DPP6: variants seen among roughly 807,000 people sequenced by gnomAD.
The protein encoded by DPP6 is A-type potassium channel modulatory protein DPP6.
Under a neutral mutation model 122.6 loss-of-function variants are expected in DPP6, and 69 were observed. The ratio of observed to expected loss-of-function variants is 0.56; its 90% CI spans 0.46 to 0.69. DPP6 has a LOEUF of 0.69. Among genes scored for constraint, DPP6 ranks in the 30% least tolerant of loss-of-function variants. DPP6 has a pLI of 0.00. For synonymous variants in DPP6, 418 were observed against 433.1 expected (o/e 0.97, Z 0.43); for missense variants, 928 against 1,116.9 (o/e 0.83, Z 2.41).
intron 1 of DPP6, among the ~76,000 whole-genome samples, chr7:154,234,659 C>G (rs561411034): frequency 2.6e-5 from 4 of 152,204 alleles, no homozygotes; most frequent in South Asian, 2.1e-4. Flanking sequence ...ACACTCAACA[C>G]GCAAACACCC....
chr7:154,402,292 T>G (rs966524977), intron 1 of DPP6, among the ~76,000 whole-genome samples: 5 of 151,972 alleles, frequency 3.3e-5, no homozygotes, highest in African/African-American at 1.2e-4. Flanking sequence ...TAAAGACACA[T>G]GCACACGTAT....
chr7:153,862,429 C>T, the DPP6 span, among the ~76,000 whole-genome samples: 1 of 152,196 alleles, frequency 6.6e-6, no homozygotes, highest in Non-Finnish European at 1.5e-5. Flanking sequence ...TGCCTCTCAC[C>T]TTGAAAAACA....
intron 6 of DPP6, among the ~76,000 whole-genome samples, chr7:154,651,383 TA>T (rs75414623): frequency 0.082 from 12,421 of 152,258 alleles, 642 homozygotes; most frequent in East Asian, 0.16. Context: ...AAATCAACTA[TA>T]TCTGCAGCCT....
intron 1 of DPP6, among the ~76,000 whole-genome samples, chr7:154,178,516 T>TG (rs1308182157): frequency 7.2e-6 from 1 of 137,976 alleles, no homozygotes; most frequent in Non-Finnish European, 1.6e-5. Flanking sequence ...AAAAAAATCC[T>TG]GAAAAAAAAA....
At chr7:154,856,433 GGTGT>G (rs1346100265) in intron 17 of DPP6, among the ~76,000 whole-genome samples, 1 of 152,122 alleles carries the variant, frequency 6.6e-6, no homozygotes, top group East Asian at 1.9e-4. Flanking sequence ...CTGTATCTTA[GGTGT>G]GTGTGACACT....
chr7:154,657,880 A>G lies in DPP6; in HGVS notation c.681-11480A>G, dbSNP rs551928292. ...GAGGCAGCATAAAAGTCTCTCCTCC[A>G]TGGAAAAACTTGGAGCCAAAAGCGC... On this transcript the variant is annotated intron_variant, in intron 6 of 25. Transcript: ENST00000377770. Among the ~76,000 whole-genome samples, 11 of 152,332 alleles carry G rather than the reference A, an allele frequency of 7.2e-5. No homozygotes were observed. The South Asian group carries it at 1.0e-3, about 14-fold the overall frequency.
intron 1 of DPP6, among the ~76,000 whole-genome samples, chr7:153,891,964 A>G (rs1481770752): frequency 6.6e-6 from 1 of 152,188 alleles, no homozygotes; most frequent in African/African-American, 2.4e-5. Context: ...TTGGTTTTAA[A>G]TGAAAGTGGC....
At chr7:154,207,108 A>C (rs1317301047) in intron 1 of DPP6, among the ~76,000 whole-genome samples, 1 of 147,270 alleles carries the variant, frequency 6.8e-6, no homozygotes, top group Non-Finnish European at 1.5e-5. Flanking sequence ...ATCAAGATGA[A>C]AATGTGGAAT....
intron 1 of DPP6, among the ~76,000 whole-genome samples, chr7:154,252,813 T>A (rs948442025): frequency 8.5e-5 from 13 of 152,232 alleles, no homozygotes; most frequent in Non-Finnish European, 1.8e-4. Flanking sequence ...GCAACTACTG[T>A]CAAAATTGTT....
At chr7:154,816,591 G>A (rs1243933836) in intron 16 of DPP6, among the ~76,000 whole-genome samples, 1 of 127,758 alleles carries the variant, frequency 7.8e-6, no homozygotes, top group Non-Finnish European at 1.7e-5. Flanking sequence ...TACATAGTGA[G>A]TGTTTAATAA....
chr7:153,919,672 A>T (rs1014388087), intron 1 of DPP6, among the ~76,000 whole-genome samples: 1 of 152,180 alleles, frequency 6.6e-6, no homozygotes, highest in South Asian at 2.1e-4. Context: ...ATTAGCCCCA[A>T]TAGGTCTGTT....
At chr7:154,576,187 C>A (rs1831658805) in intron 5 of DPP6, among the ~76,000 whole-genome samples, 1 of 152,070 alleles carries the variant, frequency 6.6e-6, no homozygotes. Context: ...TGCCCCCATC[C>A]CGCTGGTCTG....
Position 154,052,610 on chromosome 7 carries a change from G to A in DPP6, c.-211G>A, listed in dbSNP as rs905231993. ...GAGCCGCCGGGGAGGGGGCGGAGGA[G>A]GCTGAGCCAGGCAGAGTCGCCAGCG... is the stretch of plus-strand genomic sequence containing the variant. On this transcript the variant is annotated 5_prime_UTR_variant, in exon 1 of 26. Coordinates refer to ENST00000377770, the MANE Select transcript of DPP6 (RefSeq NM_130797.4). The surrounding 1 kb of genome is among the most constrained non-coding windows in gnomAD (Gnocchi z 4.8). 6.9e-5 allele frequency: 86 copies of A among 1,249,792 alleles called. No homozygotes were observed. The highest frequency in any genetic ancestry group is 8.5e-5 in the Non-Finnish European group (84 of 988,648). The allele number at this position is 1,249,792 out of a possible 1,614,324, so 77.4% of individuals were successfully genotyped here. A position where few individuals can be genotyped will look rare whatever the true frequency, so the allele number is the denominator to read the frequency against.
chr7:154,597,146 A>G (rs2130758823), intron 5 of DPP6, among the ~76,000 whole-genome samples: 1 of 142,204 alleles, frequency 7.0e-6, no homozygotes, highest in East Asian at 2.1e-4. Context: ...AGTGAGAGAG[A>G]GACACAGAGA....
chr7:154,534,734 A>T (rs932195229), intron 3 of DPP6, among the ~76,000 whole-genome samples: 18 of 152,174 alleles, frequency 1.2e-4, no homozygotes, highest in African/African-American at 4.3e-4. Flanking sequence ...ACAATTAGAG[A>T]TATGTACTAT....
chr7:154,802,505 C>T (rs1213300292), intron 13 of DPP6, among the ~76,000 whole-genome samples: 2 of 152,160 alleles, frequency 1.3e-5, no homozygotes, highest in Admixed American at 6.5e-5. Flanking sequence ...CTTTTTCCTG[C>T]GGTCTTCATT....
At chr7:154,467,361 G>T (rs1022467583) in intron 2 of DPP6, among the ~76,000 whole-genome samples, 1 of 152,176 alleles carries the variant, frequency 6.6e-6, no homozygotes, top group African/African-American at 2.4e-5. Context: ...GGAGGTGATT[G>T]GATCATGGGG....
At chr7:154,693,782 C>T (rs940878371) in intron 7 of DPP6, among the ~76,000 whole-genome samples, 2 of 152,186 alleles carry the variant, frequency 1.3e-5, no homozygotes, top group African/African-American at 4.8e-5. Context: ...GGCAGACCTC[C>T]CTATGATGTG....
intron 10 of DPP6, among the ~76,000 whole-genome samples, chr7:154,781,154 A>T (rs1587122059): frequency 6.6e-6 from 1 of 152,172 alleles, no homozygotes; most frequent in Middle Eastern, 3.4e-3. Context: ...TGATGGATAT[A>T]TGGATGGGTG....
Sources: gnomAD v4.1 joint callset for allele counts (sites outside exome capture counted in the v4.1 genomes callset) on GRCh38, gnomAD v4.1.1 for gene constraint, Gnocchi (gnomAD v3.1) non-coding constraint, MANE v1.5 for transcripts, NCBI Gene and HGNC (gene_info 2026-07-23, HGNC 2026-07-21) for gene names.